The following SMURF1 variants were observed in gnomAD, a reference collection of about 807,000 sequenced individuals.
The protein encoded by SMURF1 is SMAD specific E3 ubiquitin protein ligase 1.
Under a neutral mutation model 98.0 loss-of-function variants are expected in SMURF1, and 44 were observed. That is an observed-to-expected ratio of 0.45 (90% CI 0.35 to 0.58). The LOEUF is 0.58. SMURF1 is among the 20% of genes least tolerant of loss of function. The probability of loss-of-function intolerance (pLI) is 0.00; values close to 1 mark genes in which losing one functional copy is unlikely to be tolerated. For missense variants in SMURF1, 687 were observed against 938.4 expected, an observed-to-expected ratio of 0.73 and a Z score of 3.50; for synonymous variants, 396 against 374.9, an observed-to-expected ratio of 1.06 and a Z score of -0.65.
At chr7:99,082,788 G>A (rs1796599554) in intron 1 of SMURF1, among the ~76,000 whole-genome samples, 1 of 152,178 alleles carries the variant, frequency 6.6e-6, no homozygotes, top group African/African-American at 2.4e-5. Context: ...ATGTTAATAG[G>A]TACAGTGCTG....
rs1796092587 is a variant in SMURF1, at chr7:99,063,257, A to ATATATAAGATT, written c.56-1421_56-1420insAATCTTATATA. On this transcript the variant is annotated intron_variant, in intron 1 of 17. Transcript: ENST00000361368. ...AAGATTTATTTATATATATATATAT[A>ATATATAAGATT]TATATATATATATATATATATATAT... Among the ~76,000 whole-genome samples, 15 of 5,566 alleles carry ATATATAAGATT rather than the reference A, an allele frequency of 2.7e-3. 1 individual carries two copies. The highest frequency in any genetic ancestry group is 0.014 in the Admixed American group (6 of 414). 3.7% of individuals were successfully genotyped at this position (5,566 alleles called of 152,430 possible).
At chr7:99,129,349 T>C (rs1057437124) in intron 1 of SMURF1, among the ~76,000 whole-genome samples, 4 of 152,210 alleles carry the variant, frequency 2.6e-5, no homozygotes, top group East Asian at 3.8e-4. Context: ...TTTCATTTAC[T>C]ACCCACAACA....
At chr7:99,133,608 A>G (rs1797922809) in intron 1 of SMURF1, among the ~76,000 whole-genome samples, 1 of 152,214 alleles carries the variant, frequency 6.6e-6, no homozygotes, top group Non-Finnish European at 1.5e-5. Flanking sequence ...GGCAAGTTTC[A>G]TTACAGTTGA....
intron 3 of SMURF1, among the ~76,000 whole-genome samples, chr7:99,059,993 C>G (rs1230806822): frequency 6.6e-6 from 1 of 151,898 alleles, no homozygotes; most frequent in Non-Finnish European, 1.5e-5. Context: ...GTGGAGTTCA[C>G]AAACTATGGC....
chr7:99,060,503 C>A, intron 3 of SMURF1, 96 bp downstream of exon 3: 1 of 716,506 alleles, frequency 1.4e-6, no homozygotes, highest in Non-Finnish European at 2.2e-6. Context: ...AATAAAAAGT[C>A]ATCCTTTTTT....
Position 99,030,274 on chromosome 7 carries a change from T to C in SMURF1, c.*310A>G. ...CGTAAAGAGCTCAGGGCTGTGAGCC[T>C]TATCACCACATGGGTTGCAACACAG... On this transcript the variant is annotated 3_prime_UTR_variant, in exon 18 of 18. Coordinates refer to ENST00000361368, the MANE Select transcript of SMURF1 (RefSeq NM_181349.3). The C allele has an allele frequency of 3.1e-6, 1 of 322,978 alleles. No individual in the cohort carries two copies. The highest frequency in any genetic ancestry group is 3.6e-5 in the South Asian group (1 of 28,074). 20.0% of individuals were successfully genotyped at this position (322,978 alleles called of 1,614,324 possible).
chr7:99,051,828 A>T (rs1424222390), intron 7 of SMURF1, among the ~76,000 whole-genome samples: 1 of 152,206 alleles, frequency 6.6e-6, no homozygotes, highest in Non-Finnish European at 1.5e-5. Context: ...CCACGCAAAC[A>T]TCCGCACTTA....
At chr7:99,083,716 T>C (rs1209276385) in intron 1 of SMURF1, among the ~76,000 whole-genome samples, 2 of 152,244 alleles carry the variant, frequency 1.3e-5, no homozygotes, top group African/African-American at 4.8e-5. Context: ...AACTGCATTC[T>C]TTGGATTTCA....
intron 1 of SMURF1, among the ~76,000 whole-genome samples, chr7:99,087,508 T>C (rs964288641): frequency 6.6e-6 from 1 of 152,198 alleles, no homozygotes; most frequent in African/African-American, 2.4e-5. Flanking sequence ...AATGCCATGC[T>C]CTGCGGAACA....
intron 1 of SMURF1, among the ~76,000 whole-genome samples, chr7:99,083,313 G>A (rs926029663): frequency 2.6e-5 from 4 of 152,060 alleles, no homozygotes; most frequent in Non-Finnish European, 2.9e-5. Flanking sequence ...ATTTACCTCC[G>A]TATGAAAAAA....
chr7:99,133,881 T>C (rs1329053201), intron 1 of SMURF1, among the ~76,000 whole-genome samples: 1 of 152,092 alleles, frequency 6.6e-6, no homozygotes, highest in East Asian at 1.9e-4. Context: ...AAAATAACAT[T>C]GAACAAAAGA....
chr7:99,125,206 G>A (rs897680145), intron 1 of SMURF1, among the ~76,000 whole-genome samples: 6 of 152,064 alleles, frequency 3.9e-5, no homozygotes, highest in African/African-American at 1.2e-4. Flanking sequence ...AGCCTCCCAA[G>A]TAGCTGGAAC....
At chr7:99,069,304 C>T (rs1251045135) in intron 1 of SMURF1, among the ~76,000 whole-genome samples, 3 of 152,160 alleles carry the variant, frequency 2.0e-5, no homozygotes, top group Non-Finnish European at 4.4e-5. Flanking sequence ...ATACAGGTGG[C>T]TTTGTTCCCC....
At chr7:99,034,286 C>T (rs1038496478) in intron 16 of SMURF1, among the ~76,000 whole-genome samples, 3 of 152,224 alleles carry the variant, frequency 2.0e-5, no homozygotes, top group Non-Finnish European at 2.9e-5. Flanking sequence ...ACCCTGGTCA[C>T]CTCTGACCCA....
intron 1 of SMURF1, among the ~76,000 whole-genome samples, chr7:99,095,666 C>T (rs183581804): frequency 1.4e-4 from 22 of 152,296 alleles, no homozygotes; most frequent in Admixed American, 1.4e-3. Flanking sequence ...TATGCACAGG[C>T]AATGGACTAG....
chr7:99,097,527 C>T (rs1232928694), intron 1 of SMURF1, among the ~76,000 whole-genome samples: 1 of 152,202 alleles, frequency 6.6e-6, no homozygotes, highest in Non-Finnish European at 1.5e-5. Context: ...CTCTCTCTCA[C>T]ACATGTTCTC....
intron 6 of SMURF1, among the ~76,000 whole-genome samples, chr7:99,053,870 C>T (rs997900173): frequency 3.9e-5 from 6 of 152,156 alleles, no homozygotes; most frequent in Non-Finnish European, 7.3e-5. Flanking sequence ...TTCCTCCCCC[C>T]GTCATTATGA....
At chr7:99,067,795 T>C (rs1349534097) in intron 1 of SMURF1, among the ~76,000 whole-genome samples, 2 of 151,958 alleles carry the variant, frequency 1.3e-5, no homozygotes, top group African/African-American at 4.8e-5. Flanking sequence ...CTACTAAAAA[T>C]ACAAAAAATT....
In SMURF1 at chr7:99,051,496, G is replaced by A. The variant is rs1378653993; in HGVS notation, c.722-55C>T. The A allele has an allele frequency of 1.3e-5, 18 of 1,395,586 alleles. No homozygotes were observed. The East Asian group carries it at 3.0e-4, about 23-fold the overall frequency. The allele number at this position is 1,395,586 out of a possible 1,614,324, so 86.5% of individuals were successfully genotyped here. On this transcript the variant is annotated intron_variant, in intron 7 of 17. Transcript: ENST00000361368. ...ACAAGTTCAATTCCAGGGAGAGTTT[G>A]TAACCAACCCTCGATGCCCTCACGT... is the stretch of plus-strand genomic sequence containing the variant.
Sources: gnomAD v4.1 joint callset for allele counts (sites outside exome capture counted in the v4.1 genomes callset) on GRCh38, gnomAD v4.1.1 for gene constraint, MANE v1.5 for transcripts, NCBI Gene and HGNC (gene_info 2026-07-23, HGNC 2026-07-21) for gene names.